ASXL3: variants seen among roughly 807,000 people sequenced by gnomAD.
ASXL3 encodes the protein putative Polycomb group protein ASXL3.
A neutral mutation model predicts 170.6 loss-of-function variants in ASXL3; 34 were observed. That is an observed-to-expected ratio of 0.20 (90% CI 0.15 to 0.27). The LOEUF (loss-of-function observed/expected upper bound fraction) is 0.27. ASXL3 is among the 10% of genes least tolerant of loss of function. The probability of loss-of-function intolerance (pLI) is 1.00; values close to 1 mark genes in which losing one functional copy is unlikely to be tolerated. For missense variants in ASXL3, 2,592 were observed against 2,695.3 expected (o/e 0.96, Z 0.85); for synonymous variants, 1,002 against 989.1 (o/e 1.01, Z -0.24).
intron 4 of ASXL3, among the ~76,000 whole-genome samples, chr18:33,653,475 A>G (rs1170843718): frequency 6.6e-6 from 1 of 152,108 alleles, no homozygotes; most frequent in Non-Finnish European, 1.5e-5. Flanking sequence ...TAAGTATGTG[A>G]GAATTATGTT....
chr18:33,668,999 A>T (rs2066301213), intron 5 of ASXL3, among the ~76,000 whole-genome samples: 1 of 152,150 alleles, frequency 6.6e-6, no homozygotes, highest in Non-Finnish European at 1.5e-5. Context: ...CTAAAAATTG[A>T]TCACTCTTTA....
rs369775948 is a variant in ASXL3 at position 33,738,649 on chromosome 18, G to C, written c.1245G>C (p.Glu415Asp). ...GCATGAAAAGCCCAGCTTCTCCAGA[G>C]CCTGGTTTCTGTGCTACTCTTTGCC... is the stretch of plus-strand genomic sequence containing the variant. ...PKSMKSPASPEPGFCATLCPM... is the reference protein window; with the variant it reads ...PKSMKSPASPDPGFCATLCPM... Residue 415 changes from glutamate (E) to aspartate (D), a missense_variant, in exon 11 of 12, where the codon GAG becomes GAC. Glu to Asp is a conservative substitution (Grantham distance 45). Transcript: ENST00000269197. 1.9e-6 allele frequency: 3 copies of C among 1,613,844 alleles called. No individual in the cohort carries two copies. In the African/African-American group the frequency reaches 4.0e-5, roughly 22 times the overall value.
chr18:33,671,416 C>A (rs2066339925), intron 6 of ASXL3, among the ~76,000 whole-genome samples: 1 of 152,146 alleles, frequency 6.6e-6, no homozygotes, highest in Non-Finnish European at 1.5e-5. Context: ...CTTTCCGTGT[C>A]TGTCTTGTGT....
chr18:33,743,553 T>C lies in ASXL3; in HGVS notation c.3705T>C (p.Ser1235=), dbSNP rs953907517. The change falls in exon 12 of 12, where the codon TCT becomes TCC. Residue 1235 remains serine (S), a synonymous_variant. Transcript: ENST00000269197. ...TGCCCATGCTTTTTAATAAAAATTC[T>C]GTCCCTGTATCTGTTTGCAGCACTG... The part of the protein sequence containing the change: ...SSVPMLFNKN[S]VPVSVCSTAI... 6.2e-7 allele frequency: 1 copy of C among 1,613,198 alleles called. No individual in the cohort carries two copies. Among genetic ancestry groups the C allele is most frequent in the Non-Finnish European group, 8.5e-7 (1 of 1,179,902 alleles).
chr18:33,747,750 C>T lies in ASXL3; in HGVS notation c.*1155C>T, dbSNP rs754143330. ...GAAATAACCCTTATTTTGAAAAAAA[C>T]TGTTCTAGGTATGGCATGTTTTGTT... On this transcript the variant is annotated 3_prime_UTR_variant, in exon 12 of 12. Transcript: ENST00000269197. 4 of 152,162 alleles carry T rather than the reference C, an allele frequency of 2.6e-5. No individual in the cohort carries two copies. Among genetic ancestry groups the T allele is most frequent in the Non-Finnish European group, 4.4e-5 (3 of 68,022 alleles). The allele number at this position is 152,162 out of a possible 1,614,324, so 9.4% of individuals were successfully genotyped here. A position where few individuals can be genotyped will look rare whatever the true frequency, so the allele number is the denominator to read the frequency against.
intron 8 of ASXL3, among the ~76,000 whole-genome samples, chr18:33,705,171 A>G (rs1360868774): frequency 6.6e-6 from 1 of 151,512 alleles, no homozygotes; most frequent in African/African-American, 2.4e-5. Context: ...TGTTTTCTGG[A>G]TATCTTAAAA....
chr18:33,651,826 A>G (rs1383504322), intron 4 of ASXL3, among the ~76,000 whole-genome samples: 4 of 152,106 alleles, frequency 2.6e-5, no homozygotes, highest in Non-Finnish European at 4.4e-5. Flanking sequence ...CTTGGGATCA[A>G]CTGGGCAGGG....
intron 2 of ASXL3, among the ~76,000 whole-genome samples, chr18:33,608,211 C>G (rs200962762): frequency 2.6e-5 from 4 of 151,870 alleles, no homozygotes; most frequent in Admixed American, 2.0e-4. Context: ...TCTGCATCAT[C>G]AACATTATCA....
Position 33,746,643 on chromosome 18 carries a change from A to G in ASXL3, c.*48A>G. ...TCCCTTTTCCACACGGAAAAGCCAA[A>G]TAGCATCAGCAACAACAAATAGAAT... On this transcript the variant is annotated 3_prime_UTR_variant, in exon 12 of 12. Coordinates refer to ENST00000269197, the MANE Select transcript of ASXL3 (RefSeq NM_030632.3). The G allele has an allele frequency of 6.6e-7, 1 of 1,511,586 alleles. No homozygotes were observed. The highest frequency in any genetic ancestry group is 8.8e-7 in the Non-Finnish European group (1 of 1,136,136). The allele number at this position is 1,511,586 out of a possible 1,614,324, so 93.6% of individuals were successfully genotyped here.
chr18:33,699,844 T>TA (rs1177765995), intron 8 of ASXL3, among the ~76,000 whole-genome samples: 1 of 152,128 alleles, frequency 6.6e-6, no homozygotes, highest in Non-Finnish European at 1.5e-5. Context: ...ATTTTTTTCT[T>TA]AGACCATTTT....
chr18:33,673,887 G>A (rs1256722383), intron 7 of ASXL3, among the ~76,000 whole-genome samples: 3 of 152,120 alleles, frequency 2.0e-5, no homozygotes, highest in Non-Finnish European at 4.4e-5. Flanking sequence ...ATGAAAGAGC[G>A]CCCCCAATCT....
intron 7 of ASXL3, among the ~76,000 whole-genome samples, chr18:33,678,286 T>G (rs1437190267): frequency 6.6e-6 from 1 of 152,094 alleles, no homozygotes; most frequent in African/African-American, 2.4e-5. Flanking sequence ...AACTCTTTGG[T>G]TTTGAACTCA....
chr18:33,665,225 G>A (rs573174514), intron 5 of ASXL3, among the ~76,000 whole-genome samples: 13 of 152,028 alleles, frequency 8.6e-5, no homozygotes, highest in Non-Finnish European at 1.9e-4. Flanking sequence ...TGTTTGTGTT[G>A]GTTTATTTGA....
At chr18:33,598,438 A>G (rs754974403) in intron 1 of ASXL3, among the ~76,000 whole-genome samples, 33 of 152,224 alleles carry the variant, frequency 2.2e-4, no homozygotes, top group Middle Eastern at 6.8e-3. Context: ...AAAAATGTCT[A>G]TGTGAGACAC....
Position 33,742,494 on chromosome 18 carries a change from T to C in ASXL3, c.3040-394T>C, listed in dbSNP as rs1332598861. Among the ~76,000 whole-genome samples, 4 of 152,152 alleles carry C rather than the reference T, an allele frequency of 2.6e-5. No individual in the cohort carries two copies. In the East Asian group the frequency reaches 7.7e-4, roughly 29 times the overall value. ...TCAAATTAAGACAGACAAACTCAAA[T>C]AGAGTTGAAGTTCCACTTTTTTATG... On this transcript the variant is annotated intron_variant, in intron 11 of 11. Coordinates refer to ENST00000269197, the MANE Select transcript of ASXL3 (RefSeq NM_030632.3).
intron 8 of ASXL3, among the ~76,000 whole-genome samples, chr18:33,717,381 GTAT>G (rs2067182012): frequency 2.0e-5 from 3 of 152,076 alleles, no homozygotes; most frequent in East Asian, 3.9e-4. Flanking sequence ...TAAGCACTTA[GTAT>G]TATTATATAT....
At chr18:33,620,818 T>A (rs937222892) in intron 2 of ASXL3, among the ~76,000 whole-genome samples, 43 of 152,230 alleles carry the variant, frequency 2.8e-4, no homozygotes, top group African/African-American at 9.9e-4. Flanking sequence ...GTACCCAACT[T>A]CCAACCACCT....
intron 1 of ASXL3, among the ~76,000 whole-genome samples, chr18:33,605,232 C>A (rs901616459): frequency 2.0e-5 from 3 of 151,958 alleles, no homozygotes; most frequent in Non-Finnish European, 2.9e-5. Flanking sequence ...TGTGGCTTGC[C>A]CCACTCAGTG....
chr18:33,640,918 AAG>A (rs1436949979), intron 2 of ASXL3, among the ~76,000 whole-genome samples: 1 of 152,066 alleles, frequency 6.6e-6, no homozygotes, highest in Non-Finnish European at 1.5e-5. Flanking sequence ...ATGAGGCTAA[AAG>A]AAATGTTAGC....
Sources: allele counts gnomAD v4.1 joint callset (sites outside exome capture counted in the v4.1 genomes callset), GRCh38; gene constraint gnomAD v4.1.1; transcripts MANE v1.5; gene names NCBI Gene and HGNC (gene_info 2026-07-23, HGNC 2026-07-21).